PTPRD: variants seen among roughly 807,000 people sequenced by gnomAD.
The protein encoded by PTPRD is protein tyrosine phosphatase receptor type D.
Under a neutral mutation model 214.5 loss-of-function variants are expected in PTPRD, and 34 were observed. The ratio of observed to expected loss-of-function variants is 0.16; its 90% CI spans 0.12 to 0.21. The LOEUF (loss-of-function observed/expected upper bound fraction) is 0.21, where lower values mean the gene tolerates loss of function less well. Among genes scored for constraint, PTPRD ranks in the 10% least tolerant of loss-of-function variants. The probability of loss-of-function intolerance (pLI) is 1.00; values close to 1 mark genes in which losing one functional copy is unlikely to be tolerated. For missense variants in PTPRD, 2,545 were observed against 2,398.7 expected, an observed-to-expected ratio of 1.06 and a Z score of -1.27; for synonymous variants, 1,128 against 845.7, an observed-to-expected ratio of 1.33 and a Z score of -5.79.
chr9:8,835,748 G>C (rs936310032), intron 11 of PTPRD, among the ~76,000 whole-genome samples: 1 of 151,962 alleles, frequency 6.6e-6, no homozygotes, highest in Non-Finnish European at 1.5e-5. Flanking sequence ...ATGCTGCCCA[G>C]GCTGGTCTTG....
intron 7 of PTPRD, among the ~76,000 whole-genome samples, chr9:9,724,281 G>C (rs2098033019): frequency 6.6e-6 from 1 of 152,084 alleles, no homozygotes; most frequent in South Asian, 2.1e-4. Context: ...TTTTATCTTA[G>C]GTCAATATTT....
chr9:10,189,070 C>T (rs1000218372), intron 3 of PTPRD, among the ~76,000 whole-genome samples: 1 of 152,078 alleles, frequency 6.6e-6, no homozygotes, highest in Non-Finnish European at 1.5e-5. Flanking sequence ...ACTCTCTTAC[C>T]TGTCCAGGCA....
At chr9:10,167,781 G>A (rs1265535978) in intron 3 of PTPRD, among the ~76,000 whole-genome samples, 2 of 152,078 alleles carry the variant, frequency 1.3e-5, no homozygotes, top group African/African-American at 4.8e-5. Flanking sequence ...AGAAGATAAA[G>A]GCCAAATTCA....
chr9:10,370,266 TC>T (rs2097584394), intron 2 of PTPRD, among the ~76,000 whole-genome samples: 1 of 152,070 alleles, frequency 6.6e-6, no homozygotes, highest in Non-Finnish European at 1.5e-5. Flanking sequence ...GTGAATGTAA[TC>T]AGTGAAAGGA....
intron 8 of PTPRD, among the ~76,000 whole-genome samples, chr9:9,568,252 G>T (rs2085217636): frequency 6.6e-6 from 1 of 151,812 alleles, no homozygotes; most frequent in Non-Finnish European, 1.5e-5. Context: ...AGCTTGAAAG[G>T]ATTCAAAATT....
At chr9:9,929,574 A>T (rs771266114) in intron 5 of PTPRD, among the ~76,000 whole-genome samples, 33 of 152,088 alleles carry the variant, frequency 2.2e-4, no homozygotes, top group Admixed American at 1.3e-3. Flanking sequence ...TTATATTTTT[A>T]GTAGAGACAG....
intron 8 of PTPRD, among the ~76,000 whole-genome samples, chr9:9,415,075 A>G (rs2076603748): frequency 6.6e-6 from 1 of 152,202 alleles, no homozygotes; most frequent in African/African-American, 2.4e-5. Flanking sequence ...TTGTTTATTA[A>G]GTATTGTGTA....
chr9:9,783,011 A>G (rs546496571), intron 5 of PTPRD, among the ~76,000 whole-genome samples: 1 of 152,314 alleles, frequency 6.6e-6, no homozygotes, highest in South Asian at 2.1e-4. Context: ...TAACCAAATC[A>G]TCATGGAATT....
At chr9:8,433,488 G>C (rs978165231) in intron 35 of PTPRD, among the ~76,000 whole-genome samples, 1 of 152,158 alleles carries the variant, frequency 6.6e-6, no homozygotes, top group Admixed American at 6.5e-5. Flanking sequence ...GGAGATGACA[G>C]CTCCAGGCTG....
chr9:8,830,721 G>C (rs1028787192), intron 11 of PTPRD, among the ~76,000 whole-genome samples: 1 of 152,088 alleles, frequency 6.6e-6, no homozygotes, highest in African/African-American at 2.4e-5. Context: ...TTTTTAAAAA[G>C]AGAAAACAAG....
chr9:8,617,087 G>T (rs150280470), intron 14 of PTPRD, among the ~76,000 whole-genome samples: 3 of 151,976 alleles, frequency 2.0e-5, no homozygotes, highest in Admixed American at 2.0e-4. Flanking sequence ...TCCCAATCTG[G>T]CTCTTCTATA....
chr9:9,368,420 T>TTCATCTA (rs1336270947), intron 9 of PTPRD, among the ~76,000 whole-genome samples: 15 of 151,944 alleles, frequency 9.9e-5, no homozygotes, highest in African/African-American at 3.6e-4. Context: ...TTTGCATCCT[T>TTCATCTA]TCATCTACTA....
chr9:10,358,813 A>G (rs868252932), intron 2 of PTPRD, among the ~76,000 whole-genome samples: 5 of 151,900 alleles, frequency 3.3e-5, no homozygotes, highest in African/African-American at 1.2e-4. Flanking sequence ...CACTAAAATC[A>G]TATATTTTGA....
At chr9:9,171,362 T>C (rs1056715294) in intron 10 of PTPRD, among the ~76,000 whole-genome samples, 80 of 149,704 alleles carry the variant, frequency 5.3e-4, no homozygotes, top group African/African-American at 1.9e-3. Context: ...TATAATTAGA[T>C]TATATTTATA....
At chr9:10,248,767 T>C (rs2092478713) in intron 3 of PTPRD, among the ~76,000 whole-genome samples, 1 of 152,058 alleles carries the variant, frequency 6.6e-6, no homozygotes. Flanking sequence ...GAGAAATTGT[T>C]TGGAAGAGTT....
intron 7 of PTPRD, among the ~76,000 whole-genome samples, chr9:9,681,028 T>C (rs551102718): frequency 1.2e-4 from 18 of 151,946 alleles, no homozygotes; most frequent in African/African-American, 4.1e-4. Context: ...AGAGCAGCAG[T>C]TGGAAATTGT....
chr9:9,713,555 C>A (rs1166268609), intron 7 of PTPRD, among the ~76,000 whole-genome samples: 1 of 152,052 alleles, frequency 6.6e-6, no homozygotes, highest in Non-Finnish European at 1.5e-5. Flanking sequence ...TGAATATTAT[C>A]CAAGACTATG....
At chr9:8,571,177 G>T (rs1173052899) in intron 14 of PTPRD, among the ~76,000 whole-genome samples, 1 of 151,972 alleles carries the variant, frequency 6.6e-6, no homozygotes. Flanking sequence ...ATGCTTTGTT[G>T]TCATTAGCAA....
chr9:9,647,023 C>T (rs1421823408), intron 7 of PTPRD, among the ~76,000 whole-genome samples: 1 of 152,040 alleles, frequency 6.6e-6, no homozygotes, highest in Non-Finnish European at 1.5e-5. Context: ...ACATTTTTTA[C>T]CCTCTCATAA....
Sources: allele counts gnomAD v4.1 joint callset (sites outside exome capture counted in the v4.1 genomes callset), GRCh38; gene constraint gnomAD v4.1.1; transcripts MANE v1.5; gene names NCBI Gene and HGNC (gene_info 2026-07-23, HGNC 2026-07-21).